The following VANGL2 variants were observed in gnomAD, a reference collection of about 807,000 sequenced individuals.
The protein encoded by VANGL2 is VANGL planar cell polarity protein 2.
In VANGL2, 14 loss-of-function variants were observed where a neutral mutation model predicts 50.2. That is an observed-to-expected ratio of 0.28 (90% CI 0.18 to 0.44). VANGL2 has a LOEUF of 0.44. Ranked by LOEUF, VANGL2 falls within the 20% of genes least tolerant of loss-of-function variation. VANGL2 has a pLI of 1.00. For synonymous variants in VANGL2, 295 were observed against 297.2 expected, an observed-to-expected ratio of 0.99 and a Z score of 0.08; for missense variants, 533 against 701.5, an observed-to-expected ratio of 0.76 and a Z score of 2.71.
intron 1 of VANGL2, among the ~76,000 whole-genome samples, chr1:160,410,101 G>T (rs1165552787): frequency 6.6e-6 from 1 of 152,134 alleles, no homozygotes; most frequent in Non-Finnish European, 1.5e-5. Context: ...CCATTTCCCT[G>T]TGTTCAGGCA....
At chr1:160,414,729 G>A (rs1008157401) in intron 1 of VANGL2, among the ~76,000 whole-genome samples, 3 of 151,786 alleles carry the variant, frequency 2.0e-5, no homozygotes, top group Admixed American at 6.6e-5. Flanking sequence ...GTAAGCGCTC[G>A]GTGGATGGTG....
chr1:160,417,853 C>T (rs966746021), intron 3 of VANGL2, among the ~76,000 whole-genome samples: 1 of 151,950 alleles, frequency 6.6e-6, no homozygotes, highest in Non-Finnish European at 1.5e-5. Flanking sequence ...GGCTCCTCCT[C>T]TAGCTTCTGC....
rs1471096036 is a variant in VANGL2, at chr1:160,400,711, G to C, written c.-349G>C. 6.5e-6 allele frequency: 1 copy of C among 152,674 alleles called. No individual in the cohort carries two copies. Among genetic ancestry groups the C allele is most frequent in the African/African-American group, 2.4e-5 (1 of 41,426 alleles). 9.5% of individuals were successfully genotyped at this position (152,674 alleles called of 1,614,324 possible). The stretch of plus-strand genomic sequence containing the variant: ...GAGGCAGCGGTCTGGGACGGAGCAG[G>C]GGGTGACCAGACTCAAGAACCCCCC... On this transcript the variant is annotated 5_prime_UTR_variant, in exon 1 of 8. Transcript: ENST00000368061.
chr1:160,408,195 A>T (rs1650750822), intron 1 of VANGL2, among the ~76,000 whole-genome samples: 1 of 150,386 alleles, frequency 6.6e-6, no homozygotes, highest in South Asian at 2.1e-4. Flanking sequence ...ACAGCGGAGC[A>T]GGTCTCTACA....
At chr1:160,402,413 T>C (rs1284246597) in intron 1 of VANGL2, among the ~76,000 whole-genome samples, 1 of 152,070 alleles carries the variant, frequency 6.6e-6, no homozygotes, top group Admixed American at 6.5e-5. Context: ...GATCCTAAAG[T>C]TCCTGAGGAG....
intron 1 of VANGL2, among the ~76,000 whole-genome samples, chr1:160,413,303 C>T (rs183573073): frequency 9.0e-4 from 131 of 144,860 alleles, no homozygotes; most frequent in Non-Finnish European, 1.3e-3. Flanking sequence ...TTTTTTGAGA[C>T]GGAGTCTCGT....
rs544743469 is a variant in VANGL2 at position 160,427,767 on chromosome 1, C to T, written c.*2389C>T. The T allele has an allele frequency of 1.3e-5, 2 of 152,752 alleles. No homozygotes were observed. Among genetic ancestry groups the T allele is most frequent in the East Asian group, 1.9e-4 (1 of 5,174 alleles). 9.5% of individuals were successfully genotyped at this position (152,752 alleles called of 1,614,324 possible). A position where few individuals can be genotyped will look rare whatever the true frequency, so the allele number is the denominator to read the frequency against. On this transcript the variant is annotated 3_prime_UTR_variant, in exon 8 of 8. Coordinates refer to ENST00000368061, the MANE Select transcript of VANGL2 (RefSeq NM_020335.3). Reference sequence around the variant, plus strand: ...CCATCATGCGCTGGATCTGCTCATTCTCCTGCTGTGGGGGTATGCCCACCT... The same window carrying T: ...CCATCATGCGCTGGATCTGCTCATTTTCCTGCTGTGGGGGTATGCCCACCT...
In VANGL2 at chr1:160,419,968, T is replaced by C. The variant is rs1327493309; in HGVS notation, c.800+359T>C. ...AGTCCTTTCTGGGAGGCGCAGCTTC[T>C]TGTGAGCACTCAGAGTGGCCTGTGA... is the stretch of plus-strand genomic sequence containing the variant. On this transcript the variant is annotated intron_variant, in intron 4 of 7. Coordinates refer to ENST00000368061, the MANE Select transcript of VANGL2 (RefSeq NM_020335.3). The surrounding 1 kb of genome is among the most constrained non-coding windows in gnomAD (Gnocchi z 5.8). Among the ~76,000 whole-genome samples, 2 of 152,134 alleles carry C rather than the reference T, an allele frequency of 1.3e-5. No individual in the cohort carries two copies. The highest frequency in any genetic ancestry group is 2.9e-5 in the Non-Finnish European group (2 of 68,030).
In VANGL2 at chr1:160,419,500, T is replaced by C; in HGVS notation, c.691T>C (p.Tyr231His). 6.2e-7 allele frequency: 1 copy of C among 1,600,062 alleles called. No individual in the cohort carries two copies. The highest frequency in any genetic ancestry group is 8.5e-7 in the Non-Finnish European group (1 of 1,177,176). The change falls in exon 4 of 8, where the codon TAC (tyrosine) becomes CAC (histidine). Residue 231 changes from tyrosine to histidine, a missense_variant. Physicochemically the swap from Tyr to His is moderately conservative, Grantham distance 83. Transcript: ENST00000368061. This position sits in a 1 kb window ranked among gnomAD's most constrained non-coding sequence, Gnocchi z 5.8. The stretch of plus-strand genomic sequence containing the variant: ...GGTGGACGCCCTTCTTTTCGTGCAC[T>C]ACCTGGCCGTGGTCCTGCTGGAGCT... ...SLVDALLFVH[Y>H]LAVVLLELRQ...
chr1:160,416,295 A>G lies in VANGL2; in HGVS notation c.192+113A>G, dbSNP rs1571242722. ...GGAAACCTGGTCTCAGACAGCCATC[A>G]GATCGGGGAGTGTGTTTTGTGTTAC... On this transcript the variant is annotated intron_variant, in intron 3 of 7. Transcript: ENST00000368061. 12 of 1,558,408 alleles carry G rather than the reference A, an allele frequency of 7.7e-6. No individual in the cohort carries two copies. The East Asian group carries it at 2.0e-4, about 26-fold the overall frequency.
intron 1 of VANGL2, among the ~76,000 whole-genome samples, chr1:160,407,019 C>G (rs532999546): frequency 7.9e-5 from 12 of 152,298 alleles, no homozygotes; most frequent in Middle Eastern, 6.8e-3. Context: ...TGAGCCACCA[C>G]GCCCGGCCCA....
At position 160,419,655 on chromosome 1, in the gene VANGL2, G is replaced by A. The variant is rs2101966662; in HGVS notation, c.800+46G>A. 1.3e-6 allele frequency: 2 copies of A among 1,591,170 alleles called. No individual in the cohort carries two copies. The highest frequency in any genetic ancestry group is 1.7e-6 in the Non-Finnish European group (2 of 1,176,902). On this transcript the variant is annotated intron_variant, in intron 4 of 7. Coordinates refer to ENST00000368061, the MANE Select transcript of VANGL2 (RefSeq NM_020335.3). This position sits in a 1 kb window ranked among gnomAD's most constrained non-coding sequence, Gnocchi z 5.8. Reference sequence around the variant, plus strand: ...AAGGGTTGGGAGGGAAAGGGCATGGGAGGATGTGGAGTGACTGCTAGGGTG... The same window carrying A: ...AAGGGTTGGGAGGGAAAGGGCATGGAAGGATGTGGAGTGACTGCTAGGGTG...
At position 160,421,190 on chromosome 1, in the gene VANGL2, G is replaced by T. The variant is rs757361964; in HGVS notation, c.1073+3G>T. The T allele has an allele frequency of 6.2e-7, 1 of 1,612,844 alleles. No homozygotes were observed. On this transcript the variant is annotated splice_donor_region_variant and intron_variant, in intron 6 of 7. Coordinates refer to ENST00000368061, the MANE Select transcript of VANGL2 (RefSeq NM_020335.3). ...AGGGTGCGCAAGAGGAGGGCCAGGT[G>T]GGTCCCTGGGGGAGAAGAGGAGAGG...
chr1:160,422,008 A>G lies in VANGL2; in HGVS notation c.1073+821A>G, dbSNP rs140925594. On this transcript the variant is annotated intron_variant, in intron 6 of 7. Transcript: ENST00000368061. Reference sequence around the variant, plus strand: ...AAGTGAATTTAGTCAACCCTGAAGAATCTTACTTGGTGCCTACTCTGCCGG... The same window carrying G: ...AAGTGAATTTAGTCAACCCTGAAGAGTCTTACTTGGTGCCTACTCTGCCGG... Among the ~76,000 whole-genome samples, 117 of 152,324 alleles carry G rather than the reference A, an allele frequency of 7.7e-4. 2 individuals carry two copies. The East Asian group carries it at 0.021, about 28-fold the overall frequency.
intron 1 of VANGL2, among the ~76,000 whole-genome samples, chr1:160,406,563 C>T (rs556816625): frequency 6.6e-6 from 1 of 151,962 alleles, no homozygotes; most frequent in African/African-American, 2.4e-5. Context: ...CACCATGGCC[C>T]GTGGGGTCTT....
chr1:160,425,115 C>T lies in VANGL2; in HGVS notation c.1306-3C>T. On this transcript the variant is annotated splice_polypyrimidine_tract_variant and splice_region_variant and intron_variant, in intron 7 of 7. Coordinates refer to ENST00000368061, the MANE Select transcript of VANGL2 (RefSeq NM_020335.3). Reference sequence around the variant, plus strand: ...CTTATGCAGCCCCTTCTTTCCACTTCAGGCCTTCTTGGAGCGATACTTGGC... The same window carrying T: ...CTTATGCAGCCCCTTCTTTCCACTTTAGGCCTTCTTGGAGCGATACTTGGC... 1 of 1,614,036 alleles carries T rather than the reference C, an allele frequency of 6.2e-7. No homozygotes were observed. The highest frequency in any genetic ancestry group is 8.5e-7 in the Non-Finnish European group (1 of 1,179,928).
At chr1:160,423,554 A>G (rs894655331) in intron 6 of VANGL2, among the ~76,000 whole-genome samples, 2 of 151,954 alleles carry the variant, frequency 1.3e-5, no homozygotes. Flanking sequence ...TTTCTTCTTG[A>G]TAGAAATTGT....
At chr1:160,424,967 C>T in intron 7 of VANGL2, 151 bp from the exon 8 acceptor site, 1 of 1,099,226 alleles carries the variant, frequency 9.1e-7, no homozygotes, top group Non-Finnish European at 1.4e-6. Flanking sequence ...GATCTCAGGC[C>T]CCTTCCTGCT....
intron 1 of VANGL2, among the ~76,000 whole-genome samples, chr1:160,402,944 T>C (rs1650525610): frequency 6.6e-6 from 1 of 151,984 alleles, no homozygotes; most frequent in Non-Finnish European, 1.5e-5. Flanking sequence ...TGAGGTGAGA[T>C]TGTACATACC....
Sources: gnomAD v4.1 joint callset for allele counts (sites outside exome capture counted in the v4.1 genomes callset) on GRCh38, gnomAD v4.1.1 for gene constraint, Gnocchi (gnomAD v3.1) non-coding constraint, MANE v1.5 for transcripts, NCBI Gene and HGNC (gene_info 2026-07-23, HGNC 2026-07-21) for gene names.